TTLL5: variants seen among roughly 807,000 people sequenced by gnomAD.
TTLL5 encodes tubulin polyglutamylase TTLL5.
A neutral mutation model predicts 168.4 loss-of-function variants in TTLL5; 132 were observed. The ratio of observed to expected loss-of-function variants is 0.78; its 90% confidence interval spans 0.68 to 0.91. TTLL5 has a LOEUF of 0.91. Ranked by LOEUF, TTLL5 falls within the 40% of genes least tolerant of loss-of-function variation. The pLI is 0.00. For synonymous variants in TTLL5, 546 were observed against 558.6 expected (o/e 0.98, Z 0.32); for missense variants, 1,545 against 1,581.5 (o/e 0.98, Z 0.39).
chr14:75,872,896 G>A (rs1273686834), intron 29 of TTLL5, among the ~76,000 whole-genome samples: 2 of 132,818 alleles, frequency 1.5e-5, no homozygotes, highest in Non-Finnish European at 3.2e-5. Context: ...TGGGCAACAA[G>A]GGTGAAACTC....
At chr14:75,812,880 G>T (rs1894137073) in intron 27 of TTLL5, among the ~76,000 whole-genome samples, 1 of 152,166 alleles carries the variant, frequency 6.6e-6, no homozygotes, top group Non-Finnish European at 1.5e-5. Context: ...GCTGGGGCTG[G>T]GGCTGTGGCT....
intron 15 of TTLL5, among the ~76,000 whole-genome samples, chr14:75,743,726 T>C (rs765747618): frequency 2.6e-5 from 4 of 151,628 alleles, no homozygotes; most frequent in South Asian, 2.1e-4. Flanking sequence ...GGACTACAGG[T>C]GCCCGCCACC....
chr14:75,930,517 A>C (rs2140166767), intron 31 of TTLL5: 1 of 835,488 alleles, frequency 1.2e-6, no homozygotes, highest in East Asian at 1.2e-4. Context: ...AAAATCTAAA[A>C]CACTTCTAGT....
At chr14:75,665,990 G>T (rs1029393194) in intron 2 of TTLL5, among the ~76,000 whole-genome samples, 1 of 152,180 alleles carries the variant, frequency 6.6e-6, no homozygotes, top group African/African-American at 2.4e-5. Flanking sequence ...GAAAATAAAG[G>T]TGTAATTTTC....
At chr14:75,913,549 C>T (rs923806392) in intron 31 of TTLL5, among the ~76,000 whole-genome samples, 5 of 151,896 alleles carry the variant, frequency 3.3e-5, no homozygotes, top group Non-Finnish European at 7.4e-5. Flanking sequence ...GTAGTAGGGG[C>T]TTAAGAAATC....
chr14:75,773,950 AG>A, intron 21 of TTLL5, among the ~76,000 whole-genome samples: 8 of 35,518 alleles, frequency 2.3e-4, no homozygotes, highest in East Asian at 1.7e-3. Context: ...AGAGAGAGAG[AG>A]AGAGAAAGAG....
chr14:75,918,558 A>C (rs376196283), intron 31 of TTLL5, among the ~76,000 whole-genome samples: 1 of 152,100 alleles, frequency 6.6e-6, no homozygotes, highest in African/African-American at 2.4e-5. Context: ...GAGAGCCCTC[A>C]TGTTTCTGGA....
intron 18 of TTLL5, among the ~76,000 whole-genome samples, chr14:75,755,092 C>T (rs1214210803): frequency 6.6e-6 from 1 of 152,006 alleles, no homozygotes; most frequent in Non-Finnish European, 1.5e-5. Flanking sequence ...TGGAGAAACC[C>T]CATCTCTACT....
At chr14:75,709,395 C>A in intron 9 of TTLL5, 1 of 550,212 alleles carries the variant, frequency 1.8e-6, no homozygotes, top group Non-Finnish European at 3.3e-6. Context: ...GTGTTCCGTT[C>A]GCCTCTAGGT....
chr14:75,757,730 A>T, intron 18 of TTLL5: 1 of 1,039,606 alleles, frequency 9.6e-7, no homozygotes, highest in Non-Finnish European at 1.3e-6. Flanking sequence ...TGTCATGTTG[A>T]ATTTCTGTAT....
intron 28 of TTLL5, among the ~76,000 whole-genome samples, chr14:75,859,352 T>C (rs908126082): frequency 6.6e-6 from 1 of 152,166 alleles, no homozygotes; most frequent in Non-Finnish European, 1.5e-5. Context: ...CAGTACAATA[T>C]AGAAAGTAAG....
At chr14:75,816,334 C>T (rs1681515921) in intron 27 of TTLL5, among the ~76,000 whole-genome samples, 1 of 152,172 alleles carries the variant, frequency 6.6e-6, no homozygotes, top group Admixed American at 6.5e-5. Context: ...GCAGGAGAAT[C>T]ACTTGAACTC....
chr14:75,708,786 G>A lies in TTLL5; in HGVS notation c.740+1079G>A, dbSNP rs118181240. On this transcript the variant is annotated intron_variant, in intron 9 of 31. Coordinates refer to ENST00000298832, the MANE Select transcript of TTLL5 (RefSeq NM_015072.5). ...AATAAGTATGTAACTACTATGCTGTGTTCTTCCCCCCAACAAAACTAAATT... is the reference window on the plus strand; with the variant it reads ...AATAAGTATGTAACTACTATGCTGTATTCTTCCCCCCAACAAAACTAAATT... 9.4e-3 allele frequency among the ~76,000 whole-genome samples: 1,432 copies of A among 152,214 alleles called. 13 individuals are homozygous for A. The highest frequency in any genetic ancestry group is 0.02 in the Middle Eastern group (6 of 294).
chr14:75,940,263 T>A (rs2034559977), intron 31 of TTLL5, among the ~76,000 whole-genome samples: 2 of 151,852 alleles, frequency 1.3e-5, no homozygotes, highest in Non-Finnish European at 2.9e-5. Flanking sequence ...GTATTTTTAG[T>A]AGAGACGGGG....
At chr14:75,839,759 C>G (rs1199901260) in intron 28 of TTLL5, among the ~76,000 whole-genome samples, 2 of 152,226 alleles carry the variant, frequency 1.3e-5, no homozygotes, top group African/African-American at 4.8e-5. Flanking sequence ...CAAATCATAT[C>G]ACCATCCTAA....
At chr14:75,892,736 C>T (rs776646342) in intron 30 of TTLL5, among the ~76,000 whole-genome samples, 5 of 151,998 alleles carry the variant, frequency 3.3e-5, no homozygotes, top group Non-Finnish European at 5.9e-5. Flanking sequence ...TGGCATGAAC[C>T]GACTAACTGA....
intron 31 of TTLL5, among the ~76,000 whole-genome samples, chr14:75,952,420 A>G (rs2034989488): frequency 6.6e-6 from 1 of 152,376 alleles, no homozygotes; most frequent in African/African-American, 2.4e-5. Context: ...GGAGGGATGT[A>G]AAATGGCGTG....
intron 27 of TTLL5, among the ~76,000 whole-genome samples, chr14:75,802,549 G>A (rs896246616): frequency 3.9e-5 from 6 of 152,144 alleles, no homozygotes; most frequent in African/African-American, 1.4e-4. Flanking sequence ...ACTTTTAGTG[G>A]CATTTCCTGC....
At chr14:75,771,281 G>A (rs1891294568) in intron 20 of TTLL5, among the ~76,000 whole-genome samples, 1 of 152,138 alleles carries the variant, frequency 6.6e-6, no homozygotes, top group African/African-American at 2.4e-5. Flanking sequence ...ACAAAAATTA[G>A]CTGGGTGTGA....
Sources: gnomAD v4.1 joint callset for allele counts (sites outside exome capture counted in the v4.1 genomes callset) on GRCh38, gnomAD v4.1.1 for gene constraint, MANE v1.5 for transcripts, NCBI Gene and HGNC (gene_info 2026-07-23, HGNC 2026-07-21) for gene names.